QTGAL: variants seen among roughly 807,000 people sequenced by gnomAD.
The protein encoded by QTGAL is queuosine-tRNA galactosyltransferase, also known as BGnT-like protein 1.
chr17:82,995,221 A>G, the QTGAL span, among the ~76,000 whole-genome samples: 2 of 152,160 alleles, frequency 1.3e-5, no homozygotes, highest in Admixed American at 6.5e-5. Context: ...AGGGCATCCA[A>G]ATTGGAAAGG....
chr17:82,942,536 A>C, the QTGAL span: 19 of 1,605,354 alleles, frequency 1.2e-5, no homozygotes, highest in Non-Finnish European at 1.6e-5. Flanking sequence ...CCGGTGTGGA[A>C]AGCCTCGCAC....
chr17:83,010,926 G>A, the QTGAL span, among the ~76,000 whole-genome samples: 1 of 152,208 alleles, frequency 6.6e-6, no homozygotes, highest in East Asian at 1.9e-4. Context: ...CTCCATCCCA[G>A]TGCACGAGGG....
the QTGAL span, among the ~76,000 whole-genome samples, chr17:83,039,317 T>TGCAGATTA: frequency 2.7e-4 from 15 of 55,452 alleles, no homozygotes; most frequent in East Asian, 6.8e-4. Flanking sequence ...CTAGACACAC[T>TGCAGATTA]GCTGGGCGCC....
chr17:82,970,936 G>A, the QTGAL span, among the ~76,000 whole-genome samples: 1 of 152,224 alleles, frequency 6.6e-6, no homozygotes, highest in Non-Finnish European at 1.5e-5. Flanking sequence ...GAAGGCAGTG[G>A]TGTACGCAGA....
chr17:83,027,281 A>G, the QTGAL span, among the ~76,000 whole-genome samples: 2 of 152,258 alleles, frequency 1.3e-5, no homozygotes, highest in African/African-American at 4.8e-5. Flanking sequence ...CCATGGAGAA[A>G]AGAAAGCTCT....
At chr17:82,970,394 TC>T in the QTGAL span, among the ~76,000 whole-genome samples, 3 of 152,372 alleles carry the variant, frequency 2.0e-5, no homozygotes, top group South Asian at 6.2e-4. Flanking sequence ...CTTCCTGTTC[TC>T]AACTTTTGCT....
chr17:82,947,207 CCT>C, the QTGAL span: 5 of 521,626 alleles, frequency 9.6e-6, no homozygotes, highest in African/African-American at 7.7e-5. Flanking sequence ...GGAGGCCCCC[CCT>C]GCCTTCTGGC....
the QTGAL span, among the ~76,000 whole-genome samples, chr17:83,009,014 C>G: frequency 6.6e-6 from 1 of 152,106 alleles, no homozygotes; most frequent in Non-Finnish European, 1.5e-5. Flanking sequence ...AACTCACACC[C>G]CCAGGTGAAC....
chr17:82,967,315 C>G, the QTGAL span, among the ~76,000 whole-genome samples: 2,034 of 152,280 alleles, frequency 0.013, 63 homozygotes, highest in African/African-American at 0.047. Flanking sequence ...CCTGGAGGTG[C>G]TGTGTGTGTG....
the QTGAL span, among the ~76,000 whole-genome samples, chr17:82,981,903 G>C: frequency 1.3e-5 from 2 of 152,384 alleles, no homozygotes; most frequent in Non-Finnish European, 2.9e-5. Flanking sequence ...AGAAAAGAAA[G>C]TGTTACTAAG....
chr17:83,013,059 G>A, the QTGAL span, among the ~76,000 whole-genome samples: 2 of 152,170 alleles, frequency 1.3e-5, no homozygotes, highest in East Asian at 1.9e-4. Context: ...CGTATTTGTG[G>A]TTGCTACGGA....
chr17:82,970,421 A>G, the QTGAL span, among the ~76,000 whole-genome samples: 1 of 152,100 alleles, frequency 6.6e-6, no homozygotes, highest in Admixed American at 6.5e-5. Context: ...AAAAATCCAG[A>G]GGCATTTTCT....
At chr17:83,002,267 C>A in the QTGAL span, among the ~76,000 whole-genome samples, 15 of 152,300 alleles carry the variant, frequency 9.8e-5, no homozygotes, top group East Asian at 2.5e-3. Context: ...CTCCGGGGAA[C>A]CCGCTCTCGG....
chr17:82,999,370 A>G, the QTGAL span, among the ~76,000 whole-genome samples: 1 of 152,336 alleles, frequency 6.6e-6, no homozygotes, highest in African/African-American at 2.4e-5. Context: ...ATGTCCATCT[A>G]CAGCTAAGTG....
At chr17:83,008,806 A>G in the QTGAL span, among the ~76,000 whole-genome samples, 41,742 of 151,524 alleles carry the variant, frequency 0.28, 5,704 homozygotes, top group Middle Eastern at 0.34. Flanking sequence ...CCCAGCCAGG[A>G]TCCCTGCCGC....
the QTGAL span, chr17:82,943,882 GGGT>G: frequency 5.9e-5 from 9 of 152,268 alleles, no homozygotes; most frequent in African/African-American, 2.2e-4. Flanking sequence ...CACGTGGTGA[GGGT>G]CCTGGGTGAC....
the QTGAL span, among the ~76,000 whole-genome samples, chr17:82,964,712 AC>A: frequency 9.0e-6 from 1 of 110,994 alleles, no homozygotes; most frequent in Non-Finnish European, 1.8e-5. Context: ...GTGCACCCCC[AC>A]GGGGGGACGG....
chr17:82,991,351 C>T, the QTGAL span, among the ~76,000 whole-genome samples: 2 of 152,140 alleles, frequency 1.3e-5, no homozygotes, highest in Admixed American at 6.5e-5. Context: ...AGGGCAGTTT[C>T]CCCCATACTG....
the QTGAL span, among the ~76,000 whole-genome samples, chr17:83,022,015 C>T: frequency 1.3e-5 from 2 of 151,988 alleles, no homozygotes; most frequent in African/African-American, 4.8e-5. Context: ...AATCCTCAGC[C>T]CCCATATACA....
Sources: allele counts gnomAD v4.1 joint callset (sites outside exome capture counted in the v4.1 genomes callset), GRCh38; gene constraint gnomAD v4.1.1; transcripts MANE v1.5; gene names NCBI Gene and HGNC (gene_info 2026-07-23, HGNC 2026-07-21).